The following RFX7 variants were observed in gnomAD, a reference collection of about 807,000 sequenced individuals.
The protein encoded by RFX7 is DNA-binding protein RFX7.
RFX7 carries 26 observed loss-of-function variants against 111.8 expected under a neutral mutation model. The ratio of observed to expected loss-of-function variants is 0.23; its 90% CI spans 0.17 to 0.32. RFX7 has a LOEUF of 0.32. RFX7 is among the 10% of genes least tolerant of loss of function. RFX7 has a pLI of 1.00. For synonymous variants in RFX7, 624 were observed against 624.4 expected (o/e 1.00, Z 0.01); for missense variants, 1,573 against 1,772.9 (o/e 0.89, Z 2.02).
At chr15:56,232,462 G>A (rs1439604347) in intron 2 of RFX7, among the ~76,000 whole-genome samples, 1 of 152,162 alleles carries the variant, frequency 6.6e-6, no homozygotes, top group South Asian at 2.1e-4. Flanking sequence ...TGTGATGGGA[G>A]GGGCTGCTAT....
chr15:56,207,329 GAA>G (rs1287556677), intron 2 of RFX7, among the ~76,000 whole-genome samples: 6 of 152,134 alleles, frequency 3.9e-5, no homozygotes, highest in Non-Finnish European at 7.4e-5. Context: ...TCTGCAAGAT[GAA>G]AAGAGTTCTG....
At chr15:56,206,042 A>C (rs2043247328) in intron 2 of RFX7, among the ~76,000 whole-genome samples, 1 of 152,184 alleles carries the variant, frequency 6.6e-6, no homozygotes, top group Admixed American at 6.5e-5. Flanking sequence ...TGGTTCATCA[A>C]AATATTAAAA....
chr15:56,171,258 T>C lies in RFX7; in HGVS notation c.195+8012A>G, dbSNP rs550832229. Among the ~76,000 whole-genome samples the C allele has an allele frequency of 2.9e-4, 44 of 152,244 alleles. No homozygotes were observed. In the South Asian group the frequency reaches 8.3e-3, roughly 29 times the overall value. ...CATGAGTGAGTACCATTCACTAAGA[T>C]AGTATGATAGGATAATGACCCCAGA... is the stretch of plus-strand genomic sequence containing the variant. On this transcript the variant is annotated intron_variant, in intron 3 of 9. Transcript: ENST00000559447.
chr15:56,127,761 T>C (rs1395697977), intron 5 of RFX7, among the ~76,000 whole-genome samples: 1 of 151,864 alleles, frequency 6.6e-6, no homozygotes, highest in South Asian at 2.1e-4. Flanking sequence ...TTAGCCAGGA[T>C]GGTCTCGATC....
chr15:56,095,412 C>T lies in RFX7; in HGVS notation c.2316G>A (p.Lys772=). 6.2e-7 allele frequency: 1 copy of T among 1,613,248 alleles called. No homozygotes were observed. The highest frequency in any genetic ancestry group is 1.3e-5 in the African/African-American group (1 of 75,048). ...GSVFLLDSDS[K]SVGSFNPNGW... is the part of the protein sequence containing the mutation. ...CATTTGGATTAAAGCTGCCAACTGA[C>T]TTTGAATCACTGTCCAAGAGAAAGA... The change falls in exon 10 of 10, where the codon AAG becomes AAA. Residue 772 remains lysine (K), a synonymous_variant. Transcript: ENST00000559447.
Position 56,098,351 on chromosome 15 carries a change from A to C in RFX7, c.837T>G (p.Ser279=). The stretch of plus-strand genomic sequence containing the variant: ...TACTTTCAGCTGTAGGTATAAAAGC[A>C]GAAGGCTGGGTAATTCCTTTCATTC... ...PAGMKGITQP[S]AFIPTAESNS... The change falls in exon 9 of 10, where the codon TCT becomes TCG. Residue 279 remains serine (S), a synonymous_variant. Transcript: ENST00000559447. 1.2e-6 allele frequency: 2 copies of C among 1,605,452 alleles called. No homozygotes were observed. Among genetic ancestry groups the C allele is most frequent in the Non-Finnish European group, 1.7e-6 (2 of 1,175,210 alleles).
At chr15:56,242,921 T>G (rs2043720458) in intron 2 of RFX7, among the ~76,000 whole-genome samples, 1 of 152,178 alleles carries the variant, frequency 6.6e-6, no homozygotes, top group Admixed American at 6.5e-5. Context: ...GGTAAAAGCA[T>G]TTTTTAGCTA....
intron 5 of RFX7, among the ~76,000 whole-genome samples, chr15:56,138,855 T>G (rs1305482464): frequency 6.6e-6 from 1 of 152,174 alleles, no homozygotes; most frequent in African/African-American, 2.4e-5. Flanking sequence ...TAAAGTATTT[T>G]ATTTCTCCTT....
At chr15:56,170,297 T>C (rs1047119282) in intron 3 of RFX7, among the ~76,000 whole-genome samples, 12 of 152,210 alleles carry the variant, frequency 7.9e-5, no homozygotes, top group East Asian at 5.8e-4. Context: ...TGAGAAATCA[T>C]AGAAGGCTTT....
intron 5 of RFX7, among the ~76,000 whole-genome samples, chr15:56,139,308 C>T (rs1299336370): frequency 1.3e-5 from 2 of 151,844 alleles, no homozygotes; most frequent in South Asian, 2.1e-4. Flanking sequence ...GGAGGCTTTG[C>T]TCATTTCTTT....
At chr15:56,176,255 T>C (rs986389391) in intron 3 of RFX7, among the ~76,000 whole-genome samples, 2 of 152,102 alleles carry the variant, frequency 1.3e-5, no homozygotes, top group African/African-American at 4.8e-5. Flanking sequence ...ATCAAGGGAC[T>C]GAAAAAGTAT....
intron 5 of RFX7, among the ~76,000 whole-genome samples, chr15:56,105,597 T>C (rs1235439453): frequency 6.6e-6 from 1 of 152,174 alleles, no homozygotes; most frequent in Admixed American, 6.5e-5. Flanking sequence ...TGAGAGATAA[T>C]ATATCCATTC....
At chr15:56,133,417 A>G (rs72738607) in intron 5 of RFX7, among the ~76,000 whole-genome samples, 19,758 of 152,082 alleles carry the variant, frequency 0.13, 1,665 homozygotes, top group East Asian at 0.44. Context: ...ATACATCTAA[A>G]TACACTGAAA....
intron 5 of RFX7, among the ~76,000 whole-genome samples, chr15:56,141,230 G>A (rs2042387984): frequency 6.7e-6 from 1 of 149,826 alleles, no homozygotes; most frequent in Admixed American, 6.7e-5. Flanking sequence ...TGCCCATAGT[G>A]TTAGCTACTC....
chr15:56,155,188 T>G (rs1366968158), intron 3 of RFX7, among the ~76,000 whole-genome samples: 1 of 152,154 alleles, frequency 6.6e-6, no homozygotes, highest in African/African-American at 2.4e-5. Context: ...GGAGTGTAAA[T>G]TAGTTCAACC....
At chr15:56,112,442 C>T (rs372216344) in intron 5 of RFX7, among the ~76,000 whole-genome samples, 14 of 148,282 alleles carry the variant, frequency 9.4e-5, no homozygotes, top group South Asian at 6.4e-4. Context: ...TGGGAAAACT[C>T]GCTAGCCATA....
intron 5 of RFX7, among the ~76,000 whole-genome samples, chr15:56,119,312 G>T (rs1400034927): frequency 6.6e-6 from 1 of 152,140 alleles, no homozygotes; most frequent in African/African-American, 2.4e-5. Flanking sequence ...TAGTTTCATA[G>T]TTTGAGGTCT....
intron 3 of RFX7, among the ~76,000 whole-genome samples, chr15:56,161,878 T>G (rs2042724109): frequency 6.6e-6 from 1 of 152,018 alleles, no homozygotes; most frequent in Non-Finnish European, 1.5e-5. Flanking sequence ...GAAATAGAAT[T>G]CAAATGAGAG....
chr15:56,179,181 A>T, intron 3 of RFX7, 89 bp downstream of exon 3: 1 of 602,284 alleles, frequency 1.7e-6, no homozygotes, highest in Non-Finnish European at 2.5e-6. Flanking sequence ...GATTATATTT[A>T]AAATCAATAT....
Sources: gnomAD v4.1 joint callset for allele counts (sites outside exome capture counted in the v4.1 genomes callset) on GRCh38, gnomAD v4.1.1 for gene constraint, MANE v1.5 for transcripts, NCBI Gene and HGNC (gene_info 2026-07-23, HGNC 2026-07-21) for gene names.